The following GLI3 variants were observed in gnomAD, a reference collection of about 807,000 sequenced individuals.
GLI3 encodes the protein transcription activator GLI3.
In GLI3, 20 loss-of-function variants were observed where a neutral mutation model predicts 100.8. The observed-to-expected ratio is 0.20, with a 90% CI of 0.14 to 0.29. The LOEUF is 0.29. Ranked by LOEUF, GLI3 falls within the 10% of genes least tolerant of loss-of-function variation. GLI3 has a pLI of 1.00. For missense variants in GLI3, 2,040 were observed against 2,128.5 expected (o/e 0.96, Z 0.82); for synonymous variants, 938 against 860.5 (o/e 1.09, Z -1.58).
intron 4 of GLI3, among the ~76,000 whole-genome samples, chr7:42,074,740 C>T (rs1321380457): frequency 6.6e-6 from 1 of 152,196 alleles, no homozygotes; most frequent in Admixed American, 6.5e-5. Context: ...CATAAGCTCA[C>T]CATTCTCTGT....
chr7:42,106,845 C>A (rs1785587921), intron 3 of GLI3, among the ~76,000 whole-genome samples: 1 of 152,236 alleles, frequency 6.6e-6, no homozygotes, highest in South Asian at 2.1e-4. Context: ...CCCTGCCATG[C>A]CCATATTTGG....
At chr7:42,217,560 A>G (rs534648581) in intron 2 of GLI3, among the ~76,000 whole-genome samples, 1 of 152,264 alleles carries the variant, frequency 6.6e-6, no homozygotes, top group Non-Finnish European at 1.5e-5. Context: ...AATCAGTACA[A>G]CACTAGCTTT....
At chr7:42,128,032 A>AGAAAAC (rs1341046094) in intron 3 of GLI3, among the ~76,000 whole-genome samples, 1 of 151,544 alleles carries the variant, frequency 6.6e-6, no homozygotes, top group African/African-American at 2.4e-5. Context: ...AAAAAAAAAA[A>AGAAAAC]GAAAAAGAAA....
At chr7:42,094,937 C>G (rs1374409485) in intron 3 of GLI3, among the ~76,000 whole-genome samples, 4 of 152,084 alleles carry the variant, frequency 2.6e-5, no homozygotes, top group African/African-American at 9.7e-5. Context: ...GTCCAAAGAC[C>G]GCACATGAGG....
At chr7:42,235,076 T>C (rs1241742725) in intron 1 of GLI3, among the ~76,000 whole-genome samples, 1 of 152,212 alleles carries the variant, frequency 6.6e-6, no homozygotes, top group African/African-American at 2.4e-5. Context: ...TGAAATACTG[T>C]TCTGCTTTAG....
chr7:42,164,595 C>T lies in GLI3; in HGVS notation c.125-16127G>A, dbSNP rs551542665. Among the ~76,000 whole-genome samples the T allele has an allele frequency of 2.1e-3, 316 of 152,232 alleles. 1 individual carries two copies. The highest frequency in any genetic ancestry group is 7.3e-3 in the African/African-American group (305 of 41,552). ...CCTGTAATCCCAGCACTTTGGGAGG[C>T]CGAGGCAGGCGGATCATGGGGTCAG... On this transcript the variant is annotated intron_variant, in intron 2 of 14. Transcript: ENST00000395925.
intron 3 of GLI3, among the ~76,000 whole-genome samples, chr7:42,133,090 CT>C (rs1216880191): frequency 6.6e-6 from 1 of 151,938 alleles, no homozygotes; most frequent in South Asian, 2.1e-4. Context: ...AAAAGAAATA[CT>C]TTTTTTTAGA....
chr7:42,105,118 T>C (rs1785545091), intron 3 of GLI3, among the ~76,000 whole-genome samples: 4 of 152,198 alleles, frequency 2.6e-5, no homozygotes, highest in African/African-American at 9.6e-5. Flanking sequence ...GAATAAATAA[T>C]CTGCCCTGGG....
intron 10 of GLI3, among the ~76,000 whole-genome samples, chr7:41,986,914 C>T (rs1341737077): frequency 7.3e-6 from 1 of 137,880 alleles, no homozygotes; most frequent in Non-Finnish European, 1.5e-5. Context: ...AAGTCTGGTA[C>T]CAGGAAATTG....
intron 1 of GLI3, among the ~76,000 whole-genome samples, chr7:42,254,384 C>A (rs1789064875): frequency 6.6e-6 from 1 of 152,112 alleles, no homozygotes; most frequent in Non-Finnish European, 1.5e-5. Context: ...AAAATCCTAT[C>A]TTTATAGGTT....
chr7:42,044,148 G>A (rs1223385322), intron 6 of GLI3, among the ~76,000 whole-genome samples: 2 of 152,112 alleles, frequency 1.3e-5, no homozygotes, highest in African/African-American at 4.8e-5. Context: ...CCGAGACTCA[G>A]GACTAAATAA....
intron 2 of GLI3, among the ~76,000 whole-genome samples, chr7:42,164,665 C>T (rs1444211916): frequency 6.6e-6 from 1 of 151,784 alleles, no homozygotes; most frequent in Non-Finnish European, 1.5e-5. Context: ...CCCATCTCTA[C>T]TAAAAATACA....
intron 3 of GLI3, among the ~76,000 whole-genome samples, chr7:42,118,808 G>A (rs1172324275): frequency 1.3e-5 from 2 of 152,202 alleles, no homozygotes. Context: ...TGTCACCACT[G>A]TTTAAGAGCT....
At chr7:42,005,875 G>C (rs1303178256) in intron 10 of GLI3, among the ~76,000 whole-genome samples, 1 of 152,174 alleles carries the variant, frequency 6.6e-6, no homozygotes, top group Non-Finnish European at 1.5e-5. Flanking sequence ...TGAGGAAGGG[G>C]AGAGGGATGA....
intron 2 of GLI3, among the ~76,000 whole-genome samples, chr7:42,174,757 C>T (rs1040842640): frequency 2.0e-5 from 3 of 152,180 alleles, no homozygotes; most frequent in Admixed American, 6.5e-5. Flanking sequence ...CAGAGGGTGA[C>T]GGCACGGGCG....
intron 3 of GLI3, among the ~76,000 whole-genome samples, chr7:42,091,459 G>C (rs1785216618): frequency 1.3e-5 from 2 of 152,216 alleles, no homozygotes; most frequent in African/African-American, 2.4e-5. Flanking sequence ...AACCAGGCCA[G>C]ATCTGGCAGA....
At chr7:42,174,451 C>G (rs540249831) in intron 2 of GLI3, among the ~76,000 whole-genome samples, 9 of 152,158 alleles carry the variant, frequency 5.9e-5, no homozygotes, top group Non-Finnish European at 1.3e-4. Context: ...CAGCCAGTCC[C>G]GCGGACTCAG....
intron 3 of GLI3, among the ~76,000 whole-genome samples, chr7:42,102,771 C>T (rs910754269): frequency 4.6e-5 from 7 of 152,198 alleles, no homozygotes; most frequent in Non-Finnish European, 8.8e-5. Context: ...AATCCTGCTC[C>T]GGCTTGTCCC....
chr7:42,131,228 G>T (rs1457224781), intron 3 of GLI3, among the ~76,000 whole-genome samples: 1 of 152,240 alleles, frequency 6.6e-6, no homozygotes, highest in Admixed American at 6.5e-5. Context: ...GAGATTCCTC[G>T]TTCAGACTTC....
Sources: gnomAD v4.1 joint callset for allele counts (sites outside exome capture counted in the v4.1 genomes callset) on GRCh38, gnomAD v4.1.1 for gene constraint, MANE v1.5 for transcripts, NCBI Gene and HGNC (gene_info 2026-07-23, HGNC 2026-07-21) for gene names.